Variants in ATP9A observed in about 807,000 individuals in gnomAD.
ATP9A encodes ATPase phospholipid transporting 9A.
A neutral mutation model predicts 144.1 loss-of-function variants in ATP9A; 52 were observed. The ratio of observed to expected loss-of-function variants is 0.36; its 90% CI spans 0.29 to 0.45. The LOEUF (loss-of-function observed/expected upper bound fraction) is 0.45, where lower values mean the gene tolerates loss of function less well. Among genes scored for constraint, ATP9A ranks in the 20% least tolerant of loss-of-function variants. The pLI is 1.00. For missense variants in ATP9A, 947 were observed against 1,392.7 expected (o/e 0.68, Z 5.09); for synonymous variants, 582 against 557.4 (o/e 1.04, Z -0.62).
rs2077215240 is a variant in ATP9A, at chr20:51,619,004, A to G, written c.2155T>C (p.Phe719Leu). The stretch of plus-strand genomic sequence containing the variant: ...AGGGCACAATCATGCTTCCTGCGGA[A>G]GGCGTTCAGCTCGAGGTGAGCCTCC... ...RGEAHLELNAFRRKHDCALVI... is the reference protein window; with the variant it reads ...RGEAHLELNALRRKHDCALVI... The change falls in exon 20 of 28, where the codon TTC becomes CTC. Residue 719 changes from phenylalanine (F) to leucine (L), a missense_variant. Physicochemically the swap from Phe to Leu is conservative, Grantham distance 22. Coordinates refer to ENST00000338821, the MANE Select transcript of ATP9A (RefSeq NM_006045.3). 1.2e-6 allele frequency: 2 copies of G among 1,614,014 alleles called. No homozygotes were observed.
chr20:51,765,320 A>T (rs2077898749), intron 1 of ATP9A, among the ~76,000 whole-genome samples: 1 of 152,118 alleles, frequency 6.6e-6, no homozygotes, highest in South Asian at 2.1e-4. Context: ...ATGCACAGCA[A>T]CCCTGATACA....
At chr20:51,662,560 A>AT (rs1420123410) in intron 13 of ATP9A, among the ~76,000 whole-genome samples, 1 of 120,268 alleles carries the variant, frequency 8.3e-6, no homozygotes, top group Non-Finnish European at 1.9e-5. Flanking sequence ...AAAAAAAAAA[A>AT]TTTTTTTTCA....
rs199696204 is a variant in ATP9A, at chr20:51,671,066, G to A, written c.1180+49C>T. The A allele has an allele frequency of 1.9e-6, 3 of 1,593,706 alleles. No individual in the cohort carries two copies. The Admixed American group carries it at 5.0e-5, about 27-fold the overall frequency. On this transcript the variant is annotated intron_variant, in intron 12 of 27. Coordinates refer to ENST00000338821, the MANE Select transcript of ATP9A (RefSeq NM_006045.3). ...CAAGAATTTCAGCCAAAGCCCTCAG[G>A]CATCTTCTCTCACCAGGAATCCTGC...
intron 10 of ATP9A, 113 bp downstream of exon 10, chr20:51,676,019 A>G (rs2077475700): frequency 2.7e-6 from 2 of 747,698 alleles, no homozygotes; most frequent in African/African-American, 3.5e-5. Context: ...TAAAAAGATA[A>G]AATGTCTGTA....
At chr20:51,727,821 CTCAGGAGGCTGAG>C (rs1455254152) in intron 2 of ATP9A, among the ~76,000 whole-genome samples, 1 of 151,614 alleles carries the variant, frequency 6.6e-6, no homozygotes, top group Admixed American at 6.6e-5. Context: ...ATCCCAGCTA[CTCAGGAGGCTGAG>C]GCAGGAGAAT....
chr20:51,729,165 G>T (rs576225239), intron 2 of ATP9A, among the ~76,000 whole-genome samples: 1 of 152,124 alleles, frequency 6.6e-6, no homozygotes, highest in Non-Finnish European at 1.5e-5. Flanking sequence ...TGTCATGATG[G>T]GGGGAAATTT....
intron 18 of ATP9A, among the ~76,000 whole-genome samples, chr20:51,623,179 C>T (rs925323215): frequency 5.3e-5 from 8 of 152,226 alleles, no homozygotes; most frequent in African/African-American, 1.9e-4. Flanking sequence ...CCCTCAATAT[C>T]CCGCCTGTCC....
chr20:51,716,788 AACCTCC>A lies in ATP9A; in HGVS notation c.328-3720_328-3715del, dbSNP rs2077663692. On this transcript the variant is annotated intron_variant, in intron 3 of 27. Coordinates refer to ENST00000338821, the MANE Select transcript of ATP9A (RefSeq NM_006045.3). ...ATTTTTACTTGCAGTAATTCATTTA[AACCTCC>A]CAACAAACCAAGGCAGTAGAAAGGA... Among the ~76,000 whole-genome samples the A allele has an allele frequency of 2.0e-5, 3 of 152,352 alleles. No individual in the cohort carries two copies. The South Asian group carries it at 6.2e-4, about 32-fold the overall frequency.
intron 3 of ATP9A, among the ~76,000 whole-genome samples, chr20:51,713,965 G>A (rs1380026797): frequency 6.6e-6 from 1 of 151,966 alleles, no homozygotes; most frequent in African/African-American, 2.4e-5. Flanking sequence ...GGAGTGCAGT[G>A]GCTCGATCTC....
At chr20:51,760,398 C>A (rs186420334) in intron 1 of ATP9A, among the ~76,000 whole-genome samples, 1 of 152,174 alleles carries the variant, frequency 6.6e-6, no homozygotes, top group Non-Finnish European at 1.5e-5. Context: ...GTTCCATATT[C>A]GAAAATTCAG....
chr20:51,766,240 A>G (rs2077903216), intron 1 of ATP9A, among the ~76,000 whole-genome samples: 1 of 152,208 alleles, frequency 6.6e-6, no homozygotes, highest in Non-Finnish European at 1.5e-5. Context: ...GTCCCACCCT[A>G]AATTCTTATT....
At chr20:51,680,473 G>A (rs1030812799) in intron 9 of ATP9A, among the ~76,000 whole-genome samples, 1 of 151,968 alleles carries the variant, frequency 6.6e-6, no homozygotes, top group African/African-American at 2.4e-5. Context: ...CAAGCTCCTG[G>A]TCCTCCTCCA....
rs2077121795 is a variant in ATP9A, at chr20:51,596,905, A to G, written c.*4306T>C. The G allele has an allele frequency of 6.6e-6, 1 of 152,212 alleles. No individual in the cohort carries two copies. Among genetic ancestry groups the G allele is most frequent in the South Asian group, 2.1e-4 (1 of 4,834 alleles). The allele number at this position is 152,212 out of a possible 1,614,324, so 9.4% of individuals were successfully genotyped here. ...GCATCGAGAATTTAAATCATCTGGA[A>G]GTTCCTGCTAAATTAAAGCATACTG... On this transcript the variant is annotated 3_prime_UTR_variant, in exon 28 of 28. Transcript: ENST00000338821.
At chr20:51,608,447 C>CAGGG in intron 25 of ATP9A, 71 bp downstream of exon 25, 1 of 970,474 alleles carries the variant, frequency 1.0e-6, no homozygotes, top group Non-Finnish European at 1.7e-6. Flanking sequence ...AGAAAAAAAG[C>CAGGG]AGGGAGGGAG....
rs369289273 is a variant in ATP9A at position 51,637,538 on chromosome 20, C to T, written c.1668+1805G>A. On this transcript the variant is annotated intron_variant, in intron 15 of 27. Coordinates refer to ENST00000338821, the MANE Select transcript of ATP9A (RefSeq NM_006045.3). ...TGTGATGAATGCTACGGAAGAAGAA[C>T]GAGATGCTGTAAGAGGTGGTCTGAA... Among the ~76,000 whole-genome samples, 10 of 152,068 alleles carry T rather than the reference C, an allele frequency of 6.6e-5. No homozygotes were observed. In the South Asian group the frequency reaches 8.3e-4, roughly 13 times the overall value.
At chr20:51,709,813 AT>A (rs1404053865) in intron 4 of ATP9A, among the ~76,000 whole-genome samples, 1 of 152,158 alleles carries the variant, frequency 6.6e-6, no homozygotes, top group Non-Finnish European at 1.5e-5. Context: ...ATTCTTGCAA[AT>A]TTTTTGCTTG....
chr20:51,641,528 A>G (rs1360403570), intron 14 of ATP9A, among the ~76,000 whole-genome samples: 4 of 150,806 alleles, frequency 2.7e-5, no homozygotes, highest in Non-Finnish European at 4.4e-5. Flanking sequence ...AAAACATAAT[A>G]ATAGAGCCGG....
chr20:51,648,798 T>A (rs2077352438), intron 14 of ATP9A, among the ~76,000 whole-genome samples: 1 of 152,078 alleles, frequency 6.6e-6, no homozygotes, highest in Non-Finnish European at 1.5e-5. Flanking sequence ...CACCACTGTA[T>A]TCCAGCCTGG....
At chr20:51,689,584 C>T (rs1408060521) in intron 8 of ATP9A, among the ~76,000 whole-genome samples, 2 of 150,928 alleles carry the variant, frequency 1.3e-5, no homozygotes, top group Non-Finnish European at 2.9e-5. Context: ...GCCACCCAGG[C>T]TGGAGTGCAG....
Sources: allele counts gnomAD v4.1 joint callset (sites outside exome capture counted in the v4.1 genomes callset), GRCh38; gene constraint gnomAD v4.1.1; transcripts MANE v1.5; gene names NCBI Gene and HGNC (gene_info 2026-07-23, HGNC 2026-07-21).